The following AKAP13 variants were observed in gnomAD, a reference collection of about 807,000 sequenced individuals.
The protein encoded by AKAP13 is A-kinase anchor protein 13.
A neutral mutation model predicts 264.5 loss-of-function variants in AKAP13; 80 were observed. The observed-to-expected ratio is 0.30, with a 90% CI of 0.25 to 0.36. The LOEUF (loss-of-function observed/expected upper bound fraction) is 0.36, where lower values mean the gene tolerates loss of function less well. Ranked by LOEUF, AKAP13 falls within the 10% of genes least tolerant of loss-of-function variation. AKAP13 has a pLI of 1.00. For missense variants in AKAP13, 3,712 were observed against 3,435.2 expected, an observed-to-expected ratio of 1.08 and a Z score of -2.01; for synonymous variants, 1,380 against 1,250.2, an observed-to-expected ratio of 1.10 and a Z score of -2.19.
intron 7 of AKAP13, among the ~76,000 whole-genome samples, chr15:85,584,705 A>G (rs1240497970): frequency 2.6e-5 from 4 of 152,246 alleles, no homozygotes; most frequent in Admixed American, 2.6e-4. Flanking sequence ...AGACTTTTGT[A>G]CATGTCATGT....
chr15:85,637,071 A>G (rs1350658840), intron 8 of AKAP13, among the ~76,000 whole-genome samples: 1 of 152,186 alleles, frequency 6.6e-6, no homozygotes, highest in Non-Finnish European at 1.5e-5. Flanking sequence ...AAATTTTGTT[A>G]AGGTTTTTTG....
At chr15:85,631,905 G>A (rs1201646994) in intron 8 of AKAP13, among the ~76,000 whole-genome samples, 1 of 151,938 alleles carries the variant, frequency 6.6e-6, no homozygotes, top group Non-Finnish European at 1.5e-5. Flanking sequence ...GAAAATTTGG[G>A]AAACTACAGG....
At position 85,748,802 on chromosome 15, in the gene AKAP13, A is replaced by ACCT. The variant is rs1395192468; in HGVS notation, c.*4125_*4126insCCT. 5 of 152,306 alleles carry ACCT rather than the reference A, an allele frequency of 3.3e-5. 2 individuals carry two copies. The East Asian group carries it at 9.6e-4, about 29-fold the overall frequency. The allele number at this position is 152,306 out of a possible 1,614,324, so 9.4% of individuals were successfully genotyped here. ...GGCTGTGTCCCCTGCCACCGAAGTGAGTGACCTGCCCTACAACCAGGTGGG... is the reference window on the plus strand; with the variant it reads ...GGCTGTGTCCCCTGCCACCGAAGTGACCTGTGACCTGCCCTACAACCAGGTGGG... On this transcript the variant is annotated 3_prime_UTR_variant, in exon 37 of 37. Transcript: ENST00000394518.
intron 25 of AKAP13, 118 bp from the exon 26 acceptor site, chr15:85,722,954 C>T: frequency 7.3e-7 from 1 of 1,364,478 alleles, no homozygotes; most frequent in South Asian, 1.5e-5. Flanking sequence ...TGTTGGCTTC[C>T]CTCTGATAGC....
Position 85,581,604 on chromosome 15 carries a change from T to C in AKAP13, c.3536T>C (p.Ile1179Thr), listed in dbSNP as rs1430307681. ...CTMGDAEEAQ[I>T]DDEAHPVLLQ... Reference sequence around the variant, plus strand: ...ATGGGTGACGCTGAGGAAGCCCAAATAGACGATGAAGCACATCCTGTCCTA... The same window carrying C: ...ATGGGTGACGCTGAGGAAGCCCAAACAGACGATGAAGCACATCCTGTCCTA... Residue 1179 changes from isoleucine (I) to threonine (T), a missense_variant, in exon 7 of 37, where the codon ATA becomes ACA. Physicochemically the swap from Ile to Thr is moderately conservative, Grantham distance 89 (BLOSUM62 -1). This residue lies in a region of AKAP13 where 2,759 missense variants were observed against 2,411.7 expected (regional missense o/e 1.14). Coordinates refer to ENST00000394518, the MANE Select transcript of AKAP13 (RefSeq NM_007200.5). The C allele has an allele frequency of 5.6e-6, 9 of 1,614,054 alleles. No individual in the cohort carries two copies. Among genetic ancestry groups the C allele is most frequent in the Non-Finnish European group, 6.8e-6 (8 of 1,180,014 alleles).
chr15:85,556,684 A>C (rs188235673), intron 5 of AKAP13, among the ~76,000 whole-genome samples: 3 of 152,290 alleles, frequency 2.0e-5, no homozygotes, highest in Admixed American at 2.0e-4. Context: ...GCACAGCTAC[A>C]CTGGCTGTAA....
chr15:85,587,419 T>C (rs1220421090), intron 8 of AKAP13, among the ~76,000 whole-genome samples: 2 of 152,254 alleles, frequency 1.3e-5, no homozygotes, highest in Admixed American at 1.3e-4. Flanking sequence ...ACTGTTCCGT[T>C]GTATAGATAT....
At chr15:85,458,897 C>T (rs1403045269) in intron 1 of AKAP13, among the ~76,000 whole-genome samples, 1 of 152,112 alleles carries the variant, frequency 6.6e-6, no homozygotes, top group Non-Finnish European at 1.5e-5. Context: ...CTTTCTTGTT[C>T]CTGTCTGGCT....
intron 5 of AKAP13, among the ~76,000 whole-genome samples, chr15:85,560,156 A>T (rs1226195233): frequency 8.1e-6 from 1 of 123,542 alleles, no homozygotes; most frequent in African/African-American, 3.0e-5. Flanking sequence ...AAAAAAAAAA[A>T]ACAGTAAAAA....
Position 85,434,150 on chromosome 15 carries a change from C to G in AKAP13, c.-11-51560C>G, listed in dbSNP as rs922720689. On this transcript the variant is annotated intron_variant, in intron 1 of 36. Coordinates refer to ENST00000394518, the MANE Select transcript of AKAP13 (RefSeq NM_007200.5). ...GAGCCGAAGCAGGGCGAGGCATTGCCTCACTTGGGAAGTGCAAGGGGTCAG... is the reference window on the plus strand; with the variant it reads ...GAGCCGAAGCAGGGCGAGGCATTGCGTCACTTGGGAAGTGCAAGGGGTCAG... Among the ~76,000 whole-genome samples the G allele has an allele frequency of 1.2e-3, 182 of 152,116 alleles. 1 individual carries two copies. Among genetic ancestry groups the G allele is most frequent in the African/African-American group, 4.2e-3 (176 of 41,504 alleles).
chr15:85,483,568 G>C (rs1380007227), intron 1 of AKAP13, among the ~76,000 whole-genome samples: 1 of 146,308 alleles, frequency 6.8e-6, no homozygotes, highest in Non-Finnish European at 1.5e-5. Flanking sequence ...GGAGCTTGCA[G>C]TGAGCCGAGA....
intron 17 of AKAP13, among the ~76,000 whole-genome samples, chr15:85,698,825 T>G (rs1047042483): frequency 2.7e-5 from 4 of 149,670 alleles, no homozygotes; most frequent in Non-Finnish European, 5.9e-5. Context: ...ACGCCTGTAA[T>G]CCCAGCTACT....
intron 3 of AKAP13, among the ~76,000 whole-genome samples, chr15:85,523,621 C>T (rs974206693): frequency 6.6e-6 from 1 of 152,120 alleles, no homozygotes; most frequent in Non-Finnish European, 1.5e-5. Context: ...ACTAAAGTGT[C>T]AGCTTTATGA....
intron 2 of AKAP13, among the ~76,000 whole-genome samples, chr15:85,491,514 TTATA>T (rs368110090): frequency 1.1e-5 from 1 of 88,856 alleles, no homozygotes; most frequent in East Asian, 2.2e-4. Context: ...ATATTATATA[TTATA>T]TATATTATAT....
At chr15:85,396,823 G>C (rs1359063873) in intron 1 of AKAP13, among the ~76,000 whole-genome samples, 1 of 149,892 alleles carries the variant, frequency 6.7e-6, no homozygotes, top group Non-Finnish European at 1.5e-5. Context: ...TGAGGTTTCT[G>C]TCAAATTAGA....
At chr15:85,505,764 A>G (rs1449791865) in intron 2 of AKAP13, among the ~76,000 whole-genome samples, 2 of 151,854 alleles carry the variant, frequency 1.3e-5, no homozygotes, top group Non-Finnish European at 2.9e-5. Context: ...AGGGATGTGG[A>G]TACTATCTTA....
rs1595984347 is a variant in AKAP13 at position 85,380,664 on chromosome 15, T to C, written c.-146T>C. On this transcript the variant is annotated 5_prime_UTR_variant, in exon 1 of 37. Transcript: ENST00000394518. ...TGAAGCGCCTGTGCTCTGCCGAGAC[T>C]GCCGTGCCCATTGCTCGCCTCGGTC... 1.3e-5 allele frequency: 2 copies of C among 151,030 alleles called. No individual in the cohort carries two copies. The highest frequency in any genetic ancestry group is 2.1e-4 in the South Asian group (1 of 4,726). The allele number at this position is 151,030 out of a possible 1,614,324, so 9.4% of individuals were successfully genotyped here. A position where few individuals can be genotyped will look rare whatever the true frequency, so the allele number is the denominator to read the frequency against.
At chr15:85,687,501 T>C (rs2085007640) in intron 16 of AKAP13, among the ~76,000 whole-genome samples, 1 of 152,196 alleles carries the variant, frequency 6.6e-6, no homozygotes, top group South Asian at 2.1e-4. Flanking sequence ...TTTTTGCAAT[T>C]GAGATTGGTT....
At chr15:85,605,420 A>G (rs574263622) in intron 8 of AKAP13, among the ~76,000 whole-genome samples, 3 of 152,306 alleles carry the variant, frequency 2.0e-5, no homozygotes, top group African/African-American at 7.2e-5. Context: ...GGAGCTGAAC[A>G]ATGAGAACAT....
Sources: gnomAD v4.1 joint callset for allele counts (sites outside exome capture counted in the v4.1 genomes callset) on GRCh38, gnomAD v4.1.1 for gene constraint, gnomAD v4.1.1 regional missense constraint, MANE v1.5 for transcripts, NCBI Gene and HGNC (gene_info 2026-07-23, HGNC 2026-07-21) for gene names.